Variants in GALNT13 observed in about 807,000 individuals in gnomAD.
GALNT13 encodes the protein polypeptide N-acetylgalactosaminyltransferase 13.
GALNT13 carries 28 observed loss-of-function variants against 64.2 expected under a neutral mutation model. The ratio of observed to expected loss-of-function variants is 0.44; its 90% confidence interval spans 0.32 to 0.60. The LOEUF (loss-of-function observed/expected upper bound fraction) is 0.60. Ranked by LOEUF, GALNT13 falls within the 20% of genes least tolerant of loss-of-function variation. GALNT13 has a pLI of 0.05. For missense variants in GALNT13, 577 were observed against 669.8 expected, an observed-to-expected ratio of 0.86 and a Z score of 1.53; for synonymous variants, 214 against 224.6, an observed-to-expected ratio of 0.95 and a Z score of 0.42.
the GALNT13 span, among the ~76,000 whole-genome samples, chr2:153,250,070 C>T: frequency 7.0e-3 from 1,065 of 152,172 alleles, 16 homozygotes; most frequent in African/African-American, 0.024. Context: ...TTCTGCACAG[C>T]GAAAGAAACT....
chr2:153,371,534 T>G, the GALNT13 span, among the ~76,000 whole-genome samples: 1 of 152,110 alleles, frequency 6.6e-6, no homozygotes, highest in Admixed American at 6.5e-5. Flanking sequence ...AAATATGCAA[T>G]TATAAAAACA....
the GALNT13 span, among the ~76,000 whole-genome samples, chr2:153,578,887 C>G: frequency 8.5e-5 from 13 of 152,270 alleles, no homozygotes; most frequent in Admixed American, 6.5e-4. Context: ...AGGCATCACA[C>G]AGAGGACCAT....
chr2:153,379,136 C>G, the GALNT13 span, among the ~76,000 whole-genome samples: 795 of 152,202 alleles, frequency 5.2e-3, 5 homozygotes, highest in Non-Finnish European at 8.7e-3. Context: ...TGATTATGCA[C>G]TAAGATCTTT....
chr2:154,006,822 A>C (rs758768781), intron 3 of GALNT13, among the ~76,000 whole-genome samples: 2 of 152,168 alleles, frequency 1.3e-5, no homozygotes, highest in Non-Finnish European at 2.9e-5. Flanking sequence ...CCAAGCTTTC[A>C]ATTGATACCA....
chr2:153,657,020 G>T, the GALNT13 span, among the ~76,000 whole-genome samples: 1 of 152,090 alleles, frequency 6.6e-6, no homozygotes, highest in African/African-American at 2.4e-5. Context: ...GCTGATGAAG[G>T]AAATGGGGAA....
At chr2:153,149,787 A>G in the GALNT13 span, among the ~76,000 whole-genome samples, 1 of 151,916 alleles carries the variant, frequency 6.6e-6, no homozygotes, top group African/African-American at 2.4e-5. Flanking sequence ...TTAATACGGT[A>G]TATCTCATGT....
At chr2:153,978,387 G>A (rs1159930193) in intron 3 of GALNT13, among the ~76,000 whole-genome samples, 1 of 152,112 alleles carries the variant, frequency 6.6e-6, no homozygotes, top group Non-Finnish European at 1.5e-5. Flanking sequence ...CCTTTGTCAA[G>A]TATCATAGTT....
the GALNT13 span, among the ~76,000 whole-genome samples, chr2:153,666,154 C>A: frequency 6.6e-6 from 1 of 152,050 alleles, no homozygotes; most frequent in Non-Finnish European, 1.5e-5. Flanking sequence ...ACTTCTATAA[C>A]TCCTTTATCA....
rs1338388638 is a variant in GALNT13 at position 154,453,881 on chromosome 2, T to C, written c.*3330T>C. 6.6e-6 allele frequency: 1 copy of C among 152,184 alleles called. No individual in the cohort carries two copies. The highest frequency in any genetic ancestry group is 6.5e-5 in the Admixed American group (1 of 15,268). 9.4% of individuals were successfully genotyped at this position (152,184 alleles called of 1,614,324 possible). A position where few individuals can be genotyped will look rare whatever the true frequency, so the allele number is the denominator to read the frequency against. ...CTTCAAATTTTAATTTTCTTCCTAA[T>C]ATTCTTCACATTAAACTATGGACTC... On this transcript the variant is annotated 3_prime_UTR_variant, in exon 13 of 13. Coordinates refer to ENST00000392825, the MANE Select transcript of GALNT13 (RefSeq NM_052917.4).
intron 10 of GALNT13, among the ~76,000 whole-genome samples, chr2:154,397,743 C>T (rs917172155): frequency 3.3e-5 from 5 of 152,106 alleles, no homozygotes; most frequent in African/African-American, 9.7e-5. Flanking sequence ...GTCTCCACTT[C>T]CTCATTAGCC....
the GALNT13 span, among the ~76,000 whole-genome samples, chr2:153,299,333 C>G: frequency 6.6e-6 from 1 of 152,172 alleles, no homozygotes; most frequent in African/African-American, 2.4e-5. Flanking sequence ...GGAAACAACA[C>G]ACTCAAACTA....
At chr2:154,454,705 T>A (rs1383262043), downstream of GALNT13, 1 of 152,112 alleles carries the variant, frequency 6.6e-6, no homozygotes, top group African/African-American at 2.4e-5. Context: ...AAATTCTTAC[T>A]AGTCATTTAA....
intron 8 of GALNT13, among the ~76,000 whole-genome samples, chr2:154,287,721 C>A (rs915792893): frequency 3.3e-5 from 5 of 152,058 alleles, no homozygotes; most frequent in Non-Finnish European, 7.4e-5. Flanking sequence ...ATCTTTATTA[C>A]TGTTCTTTTG....
At chr2:153,963,693 C>G (rs1693097249) in intron 3 of GALNT13, among the ~76,000 whole-genome samples, 1 of 151,344 alleles carries the variant, frequency 6.6e-6, no homozygotes, top group Non-Finnish European at 1.5e-5. Flanking sequence ...ATCAATTTCT[C>G]TCTCTCTCTG....
intron 9 of GALNT13, among the ~76,000 whole-genome samples, chr2:154,307,461 A>G (rs1317359189): frequency 6.6e-6 from 1 of 152,200 alleles, no homozygotes; most frequent in Admixed American, 6.5e-5. Context: ...GAGTTTTTTC[A>G]CAATATCTAC....
chr2:154,103,850 G>C (rs1277106300), intron 3 of GALNT13, among the ~76,000 whole-genome samples: 1 of 152,150 alleles, frequency 6.6e-6, no homozygotes, highest in African/African-American at 2.4e-5. Context: ...GGGAATGAGA[G>C]TGTGGATGTC....
At chr2:154,346,597 T>G (rs897598677) in intron 9 of GALNT13, among the ~76,000 whole-genome samples, 11 of 152,080 alleles carry the variant, frequency 7.2e-5, no homozygotes, top group African/African-American at 2.7e-4. Flanking sequence ...CCATGTAAAG[T>G]GTACCTTTTG....
chr2:154,252,714 C>T (rs1376500217), intron 7 of GALNT13, among the ~76,000 whole-genome samples: 3 of 139,860 alleles, frequency 2.1e-5, no homozygotes, highest in African/African-American at 5.4e-5. Context: ...GGTATATGGA[C>T]GAATGGAAAA....
the GALNT13 span, among the ~76,000 whole-genome samples, chr2:153,664,141 G>T: frequency 2.6e-5 from 4 of 152,126 alleles, no homozygotes; most frequent in Admixed American, 1.3e-4. Context: ...AAATCACCAG[G>T]CTGGAATTTC....
Sources: allele counts gnomAD v4.1 joint callset (sites outside exome capture counted in the v4.1 genomes callset), GRCh38; gene constraint gnomAD v4.1.1; transcripts MANE v1.5; gene names NCBI Gene and HGNC (gene_info 2026-07-23, HGNC 2026-07-21).